ENPP6: variants seen among roughly 807,000 people sequenced by gnomAD.
The protein encoded by ENPP6 is ectonucleotide pyrophosphatase/phosphodiesterase 6, also known as glycerophosphocholine cholinephosphodiesterase ENPP6.
ENPP6 carries 32 observed loss-of-function variants against 42.0 expected under a neutral mutation model. The observed-to-expected ratio is 0.76, with a 90% CI of 0.58 to 1.02. The LOEUF (loss-of-function observed/expected upper bound fraction) is 1.02. ENPP6 is among the 50% of genes least tolerant of loss of function. The pLI, the probability that ENPP6 is intolerant of heterozygous loss-of-function variation, is 0.00. For synonymous variants in ENPP6, 213 were observed against 216.0 expected (o/e 0.99, Z 0.12); for missense variants, 552 against 566.8 (o/e 0.97, Z 0.27).
chr4:184,144,261 C>T (rs1736880826), intron 2 of ENPP6, among the ~76,000 whole-genome samples: 1 of 152,208 alleles, frequency 6.6e-6, no homozygotes, highest in Admixed American at 6.5e-5. Context: ...GTTACTTTGC[C>T]AGGACTCCTC....
rs368472008 is a variant in ENPP6, at chr4:184,217,459, G to A, written c.241+120C>T. On this transcript the variant is annotated intron_variant, in intron 1 of 7. Transcript: ENST00000296741. The stretch of plus-strand genomic sequence containing the variant: ...ACACAGATTTTTTTTATCTACCTTT[G>A]ATGTCCCAAAGGACTAGAGAATCCA... The A allele has an allele frequency of 1.8e-5, 24 of 1,361,916 alleles. No individual in the cohort carries two copies. In the African/African-American group the frequency reaches 2.8e-4, roughly 16 times the overall value. 84.4% of individuals were successfully genotyped at this position (1,361,916 alleles called of 1,614,324 possible). A position where few individuals can be genotyped will look rare whatever the true frequency, so the allele number is the denominator to read the frequency against.
intron 1 of ENPP6, among the ~76,000 whole-genome samples, chr4:184,185,290 G>A (rs1349472965): frequency 6.6e-6 from 1 of 152,100 alleles, no homozygotes; most frequent in Admixed American, 6.6e-5. Flanking sequence ...AAAGCATCCT[G>A]ATTTGCATAG....
chr4:184,169,215 G>A (rs1737415224), intron 1 of ENPP6, among the ~76,000 whole-genome samples: 1 of 152,184 alleles, frequency 6.6e-6, no homozygotes, highest in African/African-American at 2.4e-5. Context: ...GGCAAAGTGT[G>A]GCATCCAGCC....
At position 184,184,094 on chromosome 4, in the gene ENPP6, G is replaced by A. The variant is rs1320682476; in HGVS notation, c.242-30361C>T. The stretch of plus-strand genomic sequence containing the variant: ...CCTCCATGCACCAACTGGACATCAT[G>A]TGAGGGAGGAAACAGTTCTAGCATG... On this transcript the variant is annotated intron_variant, in intron 1 of 7. Coordinates refer to ENST00000296741, the MANE Select transcript of ENPP6 (RefSeq NM_153343.4). This position sits in a 1 kb window ranked among gnomAD's most constrained non-coding sequence, Gnocchi z 4.7. 6.6e-6 allele frequency among the ~76,000 whole-genome samples: 1 copy of A among 152,188 alleles called. No individual in the cohort carries two copies. Among genetic ancestry groups the A allele is most frequent in the Non-Finnish European group, 1.5e-5 (1 of 68,040 alleles).
chr4:184,208,590 C>T (rs1342047966), intron 1 of ENPP6, among the ~76,000 whole-genome samples: 14 of 151,568 alleles, frequency 9.2e-5, no homozygotes, highest in South Asian at 2.1e-4. Flanking sequence ...GAGGGTCCTA[C>T]GCCCACGGAG....
At chr4:184,092,296 G>A (rs1342846998) in intron 7 of ENPP6, among the ~76,000 whole-genome samples, 1 of 152,084 alleles carries the variant, frequency 6.6e-6, no homozygotes, top group Non-Finnish European at 1.5e-5. Context: ...AAGATGAGTG[G>A]AACACTCTTT....
At chr4:184,134,688 GC>G (rs1442463157) in intron 2 of ENPP6, among the ~76,000 whole-genome samples, 1 of 86,634 alleles carries the variant, frequency 1.2e-5, no homozygotes, top group East Asian at 3.1e-4. Context: ...AACAAATGTG[GC>G]TTTGTCAGTT....
intron 1 of ENPP6, among the ~76,000 whole-genome samples, chr4:184,208,058 G>A (rs1168356387): frequency 7.2e-6 from 1 of 139,668 alleles, no homozygotes; most frequent in Non-Finnish European, 1.6e-5. Context: ...GTTACATTCT[G>A]AGGTACTGGA....
rs575206149 is a variant in ENPP6, at chr4:184,166,311, G to A, written c.242-12578C>T. On this transcript the variant is annotated intron_variant, in intron 1 of 7. Transcript: ENST00000296741. ...GATTATAGTGTGAAGTGTAGGGACT[G>A]CAACAAAAATAACCCCAAAAGAGGA... Among the ~76,000 whole-genome samples the A allele has an allele frequency of 2.0e-5, 3 of 152,270 alleles. No individual in the cohort carries two copies. In the South Asian group the frequency reaches 6.2e-4, roughly 32 times the overall value.
At chr4:184,190,822 G>T (rs1165519567) in intron 1 of ENPP6, among the ~76,000 whole-genome samples, 2 of 152,146 alleles carry the variant, frequency 1.3e-5, no homozygotes, top group Non-Finnish European at 2.9e-5. Context: ...ATCAAAAGAG[G>T]CCTGTTTAAG....
At chr4:184,180,075 A>G (rs1438663852) in intron 1 of ENPP6, among the ~76,000 whole-genome samples, 1 of 131,778 alleles carries the variant, frequency 7.6e-6, no homozygotes, top group Non-Finnish European at 1.7e-5. Context: ...AAATCAACGA[A>G]TCCAGGAGCT....
intron 1 of ENPP6, among the ~76,000 whole-genome samples, chr4:184,168,025 A>G (rs1737386095): frequency 6.6e-6 from 1 of 152,130 alleles, no homozygotes; most frequent in African/African-American, 2.4e-5. Context: ...GAGATTTTTG[A>G]GTTAAAAACA....
intron 3 of ENPP6, among the ~76,000 whole-genome samples, chr4:184,123,899 C>T (rs189858646): frequency 1.2e-4 from 18 of 152,224 alleles, no homozygotes; most frequent in African/African-American, 2.4e-4. Context: ...ATTGTTTCTC[C>T]GTTGTTTAAC....
chr4:184,091,368 A>C lies in ENPP6; in HGVS notation c.1132T>G (p.Phe378Val). 6.2e-7 allele frequency: 1 copy of C among 1,602,948 alleles called. No individual in the cohort carries two copies. Among genetic ancestry groups the C allele is most frequent in the South Asian group, 1.1e-5 (1 of 89,112 alleles). Residue 378 changes from phenylalanine to valine, a missense_variant, in exon 8 of 8, where the codon TTC becomes GTC. Physicochemically the swap from Phe to Val is conservative, Grantham distance 50. Coordinates refer to ENST00000296741, the MANE Select transcript of ENPP6 (RefSeq NM_153343.4). ...ACCGACCTGATAGGAGCAGCTCTGA[A>C]GTTGGATTTGAAATCTGAAAGGGAA... ...LAFGPDFKSN[F>V]RAAPIRSVDV...
chr4:184,142,676 A>G (rs976869345), intron 2 of ENPP6, among the ~76,000 whole-genome samples: 2 of 152,220 alleles, frequency 1.3e-5, no homozygotes, highest in African/African-American at 4.8e-5. Context: ...TGAAAACTCA[A>G]CTGAAAATGA....
chr4:184,143,884 G>C (rs111771761), intron 2 of ENPP6, among the ~76,000 whole-genome samples: 1 of 152,228 alleles, frequency 6.6e-6, no homozygotes, highest in Non-Finnish European at 1.5e-5. Context: ...CACTGTAGCT[G>C]AACAGGAGGG....
rs35990344 is a variant in ENPP6 at position 184,129,604 on chromosome 4, A to G, written c.422-5332T>C. 6.6e-3 allele frequency among the ~76,000 whole-genome samples: 1,002 copies of G among 152,334 alleles called. 6 individuals carry two copies. The highest frequency in any genetic ancestry group is 9.9e-3 in the Non-Finnish European group (671 of 68,026). On this transcript the variant is annotated intron_variant, in intron 2 of 7. Transcript: ENST00000296741. ...GCTTTGCCTAGCAAATCACTGCTAG[A>G]AACATACTCTAAAAAATAAAGTTGT... is the stretch of plus-strand genomic sequence containing the variant.
At chr4:184,117,972 C>T (rs1736352987) in intron 3 of ENPP6, 72 bp from the exon 4 acceptor site, 1 of 1,549,640 alleles carries the variant, frequency 6.5e-7, no homozygotes, top group Non-Finnish European at 8.7e-7. Context: ...ACCCCCATAG[C>T]ACTCTCTGAA....
At chr4:184,146,442 GA>G (rs1190347044) in intron 2 of ENPP6, among the ~76,000 whole-genome samples, 1 of 142,862 alleles carries the variant, frequency 7.0e-6, no homozygotes, top group African/African-American at 2.5e-5. Context: ...AAAAAAAAAA[GA>G]AAGAAAGAAA....
Sources: allele counts gnomAD v4.1 joint callset (sites outside exome capture counted in the v4.1 genomes callset), GRCh38; gene constraint gnomAD v4.1.1; non-coding constraint Gnocchi (gnomAD v3.1); transcripts MANE v1.5; gene names NCBI Gene and HGNC (gene_info 2026-07-23, HGNC 2026-07-21).